Variants in TOX2 observed in about 807,000 individuals in gnomAD.
TOX2 encodes the protein granulosa cell HMG box 1.
A neutral mutation model predicts 47.4 loss-of-function variants in TOX2; 15 were observed. The ratio of observed to expected loss-of-function variants is 0.32; its 90% CI spans 0.21 to 0.49. The LOEUF is 0.49. Ranked by LOEUF, TOX2 falls within the 20% of genes least tolerant of loss-of-function variation. TOX2 has a pLI of 0.99. For missense variants in TOX2, 622 were observed against 673.1 expected (o/e 0.92, Z 0.84); for synonymous variants, 290 against 296.6 (o/e 0.98, Z 0.23).
Position 44,066,684 on chromosome 20 carries a change from C to T in TOX2, c.1357-46C>T, listed in dbSNP as rs368113503. ...CCCGGGAGGCCTGGGACAGTCTGCCCCCTCATCTCTCCTTGGCTCATGGCC... is the reference window on the plus strand; with the variant it reads ...CCCGGGAGGCCTGGGACAGTCTGCCTCCTCATCTCTCCTTGGCTCATGGCC... On this transcript the variant is annotated intron_variant, in intron 7 of 8. Transcript: ENST00000341197. 1.4e-5 allele frequency: 22 copies of T among 1,613,580 alleles called. No individual in the cohort carries two copies. In the African/African-American group the frequency reaches 2.5e-4, roughly 19 times the overall value.
intron 5 of TOX2, among the ~76,000 whole-genome samples, chr20:44,055,300 C>A (rs955311373): frequency 2.0e-5 from 3 of 152,128 alleles, no homozygotes; most frequent in African/African-American, 7.2e-5. Flanking sequence ...TGTGATTGTG[C>A]CGTGTACCAG....
chr20:43,940,736 T>C (rs1368670328), intron 1 of TOX2, among the ~76,000 whole-genome samples: 2 of 152,072 alleles, frequency 1.3e-5, no homozygotes, highest in Non-Finnish European at 2.9e-5. Flanking sequence ...GGTCAGTGCT[T>C]TGCAGAGACG....
Position 44,069,138 on chromosome 20 carries a change from G to C in TOX2, c.*452G>C. The C allele has an allele frequency of 5.6e-6, 2 of 354,104 alleles. No individual in the cohort carries two copies. Among genetic ancestry groups the C allele is most frequent in the Non-Finnish European group, 1.1e-5 (2 of 179,444 alleles). 21.9% of individuals were successfully genotyped at this position (354,104 alleles called of 1,614,324 possible). A position where few individuals can be genotyped will look rare whatever the true frequency, so the allele number is the denominator to read the frequency against. On this transcript the variant is annotated 3_prime_UTR_variant, in exon 9 of 9. Transcript: ENST00000341197. ...TGTGAACAAAAGATTACGAAACCTA[G>C]AAACTGTTGGTTCCGTGTAAGTAGT...
chr20:43,987,387 G>A (rs2070285241), intron 2 of TOX2, among the ~76,000 whole-genome samples: 1 of 152,174 alleles, frequency 6.6e-6, no homozygotes, highest in Non-Finnish European at 1.5e-5. Context: ...GACTATAGGG[G>A]CTTTGAGGGG....
At chr20:44,049,761 C>T (rs577259808) in intron 3 of TOX2, among the ~76,000 whole-genome samples, 1 of 152,270 alleles carries the variant, frequency 6.6e-6, no homozygotes, top group East Asian at 1.9e-4. Context: ...TCTGTTCCTG[C>T]ATTAGTTTGC....
At chr20:43,938,365 A>C (rs1215211771) in intron 1 of TOX2, among the ~76,000 whole-genome samples, 5 of 152,154 alleles carry the variant, frequency 3.3e-5, no homozygotes, top group Admixed American at 1.3e-4. Context: ...TGAGAAGTTC[A>C]GTCCTGACCT....
chr20:43,942,605 G>C (rs376070111), intron 1 of TOX2, among the ~76,000 whole-genome samples: 6 of 152,158 alleles, frequency 3.9e-5, no homozygotes, highest in Non-Finnish European at 7.4e-5. Flanking sequence ...AGGATCTCTC[G>C]AGCCCAGGAA....
chr20:43,964,545 T>C (rs955869186), intron 1 of TOX2, among the ~76,000 whole-genome samples: 3 of 152,224 alleles, frequency 2.0e-5, no homozygotes, highest in African/African-American at 7.2e-5. Flanking sequence ...TCTCAGTGCC[T>C]GTGACTGGCT....
intron 1 of TOX2, among the ~76,000 whole-genome samples, chr20:43,971,729 G>A (rs1455513755): frequency 1.3e-5 from 2 of 152,168 alleles, no homozygotes; most frequent in East Asian, 3.8e-4. Context: ...GAATATATGT[G>A]TTATATCCAC....
chr20:44,063,000 G>C (rs115123564), intron 5 of TOX2, among the ~76,000 whole-genome samples: 8,211 of 152,124 alleles, frequency 0.054, 263 homozygotes, highest in African/African-American at 0.098. Context: ...CAAAATGGAT[G>C]GAAGACTTAA....
chr20:44,018,596 C>T (rs936809571), intron 3 of TOX2, among the ~76,000 whole-genome samples: 1 of 152,160 alleles, frequency 6.6e-6, no homozygotes, highest in African/African-American at 2.4e-5. Flanking sequence ...GAGTCATTTT[C>T]CCCCTGCTCT....
intron 1 of TOX2, chr20:43,945,896 C>T (rs201432653): frequency 1.5e-4 from 236 of 1,610,198 alleles, no homozygotes; most frequent in Non-Finnish European, 1.7e-4. Flanking sequence ...GCATTTTTTC[C>T]TCTTTCTCTG....
At chr20:44,057,751 G>C (rs577538124) in intron 5 of TOX2, among the ~76,000 whole-genome samples, 2 of 152,208 alleles carry the variant, frequency 1.3e-5, no homozygotes, top group East Asian at 3.9e-4. Context: ...TGATTCTGAG[G>C]GTCCATGAAC....
chr20:43,973,471 T>C, intron 2 of TOX2, 39 bp downstream of exon 2: 1 of 1,603,700 alleles, frequency 6.2e-7, no homozygotes, highest in Non-Finnish European at 8.5e-7. Context: ...GTCTTAAGAT[T>C]TGGGCTGGCT....
In TOX2 at chr20:43,914,870, C is replaced by T. The variant is rs960836499; in HGVS notation, c.-22C>T. ...CCCAGGCACTGCCCGCGGGAGCCGC[C>T]GCCGCCGCCGCCGCGCCCGCCATGG... On this transcript the variant is annotated 5_prime_UTR_variant, in exon 1 of 9. Transcript: ENST00000341197. The surrounding 1 kb of genome is among the most constrained non-coding windows in gnomAD (Gnocchi z 4.5). The T allele has an allele frequency of 1.8e-5, 18 of 977,082 alleles. No homozygotes were observed. The African/African-American group carries it at 2.7e-4, about 14-fold the overall frequency. The allele number at this position is 977,082 out of a possible 1,614,324, so 60.5% of individuals were successfully genotyped here.
At chr20:44,027,625 G>T (rs2071086525) in intron 3 of TOX2, among the ~76,000 whole-genome samples, 1 of 152,232 alleles carries the variant, frequency 6.6e-6, no homozygotes, top group Admixed American at 6.5e-5. Flanking sequence ...AATTGAGGAG[G>T]CCCAGAGAGA....
chr20:43,993,528 T>C (rs1240875850), intron 2 of TOX2, among the ~76,000 whole-genome samples: 2 of 152,212 alleles, frequency 1.3e-5, no homozygotes, highest in African/African-American at 4.8e-5. Context: ...GGTAGAGGAA[T>C]ACTGAGGGGG....
chr20:43,974,059 C>A (rs2070026808), intron 2 of TOX2, among the ~76,000 whole-genome samples: 2 of 152,194 alleles, frequency 1.3e-5, no homozygotes, highest in Admixed American at 1.3e-4. Context: ...TTTCTCTCAG[C>A]TGGGAGCATC....
intron 2 of TOX2, among the ~76,000 whole-genome samples, chr20:44,005,586 C>A (rs1307748594): frequency 6.6e-6 from 1 of 152,110 alleles, no homozygotes; most frequent in African/African-American, 2.4e-5. Flanking sequence ...TATGTCATGA[C>A]CAAATAGGGT....
Sources: gnomAD v4.1 joint callset for allele counts (sites outside exome capture counted in the v4.1 genomes callset) on GRCh38, gnomAD v4.1.1 for gene constraint, Gnocchi (gnomAD v3.1) non-coding constraint, MANE v1.5 for transcripts, NCBI Gene and HGNC (gene_info 2026-07-23, HGNC 2026-07-21) for gene names.